PSORS1C2: variants seen among roughly 807,000 people sequenced by gnomAD.
The protein encoded by PSORS1C2 is psoriasis susceptibility 1 candidate 2.
Under a neutral mutation model 12.2 loss-of-function variants are expected in PSORS1C2, and 13 were observed. The observed-to-expected ratio is 1.07, with a 90% CI of 0.70 to 1.70. PSORS1C2 has a LOEUF of 1.70. Among genes scored for constraint, PSORS1C2 ranks in the 40% most tolerant of loss-of-function variants. The pLI, the probability that PSORS1C2 is intolerant of heterozygous loss-of-function variation, is 0.00. For synonymous variants in PSORS1C2, 76 were observed against 69.2 expected (o/e 1.10, Z -0.49); for missense variants, 186 against 173.4 (o/e 1.07, Z -0.41).
Position 31,138,120 on chromosome 6 carries a change from A to G in PSORS1C2, c.242T>C (p.Val81Ala). 1.2e-6 allele frequency: 2 copies of G among 1,604,276 alleles called. No homozygotes were observed. The highest frequency in any genetic ancestry group is 1.7e-6 in the Non-Finnish European group (2 of 1,176,478). ...CGTTCTAGGCGGTTCAGGGAGCCAG[A>G]CTCCAGTTTCAGGCAGGTCTCTCCA... ...RPWRDLPETG[V>A]WLPEPPRTDP... The change falls in exon 2 of 2, where the codon GTC (valine) becomes GCC (alanine). Residue 81 changes from valine to alanine, a missense_variant. Transcript: ENST00000259845.
Position 31,138,197 on chromosome 6 carries a change from T to C in PSORS1C2, c.165A>G (p.Pro55=). ...GATCTTCAAAGAGAGGGGGTGCCCC[T>C]GGCCAAGGGTCACCGGGGACTGGGG... The part of the protein sequence containing the change: ...QGPPVPGDPW[P]GAPPLFEDPP... The change falls in exon 2 of 2, where the codon CCA becomes CCG. Residue 55 remains proline, a synonymous_variant. Coordinates refer to ENST00000259845, the MANE Select transcript of PSORS1C2 (RefSeq NM_014069.3). The C allele has an allele frequency of 6.4e-7, 1 of 1,572,096 alleles. No individual in the cohort carries two copies. Among genetic ancestry groups the C allele is most frequent in the Non-Finnish European group, 8.6e-7 (1 of 1,161,982 alleles).
chr6:31,138,032 G>A lies in PSORS1C2; in HGVS notation c.330C>T (p.Asn110=). 1 of 1,529,090 alleles carries A rather than the reference G, an allele frequency of 6.5e-7. No individual in the cohort carries two copies. Among genetic ancestry groups the A allele is most frequent in the Non-Finnish European group, 8.8e-7 (1 of 1,141,222 alleles). The allele number at this position is 1,529,090 out of a possible 1,614,324, so 94.7% of individuals were successfully genotyped here. A position where few individuals can be genotyped will look rare whatever the true frequency, so the allele number is the denominator to read the frequency against. Residue 110 remains asparagine, a synonymous_variant, in exon 2 of 2, where the codon AAC becomes AAT. Transcript: ENST00000259845. ...PWPAGPQPPE[N]PWPPAPEVDN... is the part of the protein sequence containing the mutation. ...CCACCTCAGGGGCAGGAGGCCAGGG[G>A]TTTTCTGGGGGCTGGGGTCCTGCCG...
chr6:31,138,137 G>C lies in PSORS1C2; in HGVS notation c.225C>G (p.Asp75Glu), dbSNP rs1452595291. The part of the protein sequence containing the change: ...PPTRPSRPWR[D>E]LPETGVWLPE... ...GGAGCCAGACTCCAGTTTCAGGCAG[G>C]TCTCTCCAGGGACGACTGGGGCGGG... Residue 75 changes from aspartate (D) to glutamate (E), a missense_variant, in exon 2 of 2, where the codon GAC (aspartate) becomes GAG (glutamate). Transcript: ENST00000259845. The C allele has an allele frequency of 6.2e-7, 1 of 1,606,198 alleles. No individual in the cohort carries two copies. The highest frequency in any genetic ancestry group is 8.5e-7 in the Non-Finnish European group (1 of 1,177,200).
Position 31,138,052 on chromosome 6 carries a change from C to T in PSORS1C2, c.310G>A (p.Gly104Arg), listed in dbSNP as rs1773239101. ...PPRPDDPWPA[G>R]PQPPENPWPP... ...CAGGGGTTTTCTGGGGGCTGGGGTC[C>T]TGCCGGCCAAGGGTCGTCAGGCCGG... The change falls in exon 2 of 2, where the codon GGA becomes AGA. Residue 104 changes from glycine (G) to arginine (R), a missense_variant. Physicochemically the swap from Gly to Arg is moderately radical, Grantham distance 125. Transcript: ENST00000259845. 5 of 1,536,778 alleles carry T rather than the reference C, an allele frequency of 3.3e-6. No individual in the cohort carries two copies. The highest frequency in any genetic ancestry group is 4.4e-6 in the Non-Finnish European group (5 of 1,145,028).
intron 1 of PSORS1C2, chr6:31,138,708 C>T (rs749948651): frequency 1.9e-6 from 3 of 1,606,930 alleles, no homozygotes; most frequent in Non-Finnish European, 2.5e-6. Flanking sequence ...CAGATCCCAG[C>T]TCCGAGGAAA....
Position 31,137,872 on chromosome 6 carries a change from G to T in PSORS1C2, c.*79C>A. The T allele has an allele frequency of 1.6e-6, 1 of 631,238 alleles. No homozygotes were observed. The highest frequency in any genetic ancestry group is 2.6e-6 in the Non-Finnish European group (1 of 389,480). The allele number at this position is 631,238 out of a possible 1,614,324, so 39.1% of individuals were successfully genotyped here. On this transcript the variant is annotated 3_prime_UTR_variant, in exon 2 of 2. Coordinates refer to ENST00000259845, the MANE Select transcript of PSORS1C2 (RefSeq NM_014069.3). ...TTAAGGAGACAGGCTAAATTGGGAA[G>T]AATTCACGGGGAATCAGAGGGTGGA...
chr6:31,138,796 C>A (rs1773302278), intron 1 of PSORS1C2, 176 bp downstream of exon 1: 2 of 1,613,990 alleles, frequency 1.2e-6, no homozygotes, highest in African/African-American at 2.7e-5. Flanking sequence ...GCCAAATGCA[C>A]CTTCTGCACC....
Position 31,138,072 on chromosome 6 carries a change from G to C in PSORS1C2, c.290C>G (p.Pro97Arg). ...PRTDPPQPPR[P>R]DDPWPAGPQP... ...GGGTCCTGCCGGCCAAGGGTCGTCA[G>C]GCCGGGGAGGTTGAGGAGGATCCGT... Residue 97 changes from proline (P) to arginine (R), a missense_variant, in exon 2 of 2, where the codon CCT becomes CGT. Physicochemically the swap from Pro to Arg is moderately radical, Grantham distance 103. Transcript: ENST00000259845. 1 of 1,560,868 alleles carries C rather than the reference G, an allele frequency of 6.4e-7. No homozygotes were observed. Among genetic ancestry groups the C allele is most frequent in the Non-Finnish European group, 8.7e-7 (1 of 1,155,702 alleles).
At chr6:31,138,592 TAC>T in intron 1 of PSORS1C2, 1 of 1,610,964 alleles carries the variant, frequency 6.2e-7, no homozygotes, top group South Asian at 1.1e-5. Flanking sequence ...CTGGTTGGGG[TAC>T]CCCACTAGCT....
Position 31,138,896 on chromosome 6 carries a change from C to A in PSORS1C2, c.55+76G>T, listed in dbSNP as rs970230852. 1.1e-5 allele frequency: 17 copies of A among 1,596,698 alleles called. No homozygotes were observed. The African/African-American group carries it at 2.3e-4, about 21-fold the overall frequency. On this transcript the variant is annotated intron_variant, in intron 1 of 1. Coordinates refer to ENST00000259845, the MANE Select transcript of PSORS1C2 (RefSeq NM_014069.3). ...CTGAATTCCTGTCCCCAACCCCATG[C>A]GTCCAGTTCACCTCCGCCATCTTGA...
Position 31,138,231 on chromosome 6 carries a change from G to A in PSORS1C2, c.131C>T (p.Pro44Leu), listed in dbSNP as rs771681627. 3.2e-6 allele frequency: 5 copies of A among 1,566,944 alleles called. No individual in the cohort carries two copies. Among genetic ancestry groups the A allele is most frequent in the South Asian group, 2.4e-5 (2 of 83,750 alleles). ...DREEAGSPTL[P>L]QGPPVPGDPW... is the part of the protein sequence containing the mutation. ...GTCACCGGGGACTGGGGGGCCCTGA[G>A]GCAATGTTGGGGAGCCTGCCTCCTC... The change falls in exon 2 of 2, where the codon CCT (proline) becomes CTT (leucine). Residue 44 changes from proline to leucine, a missense_variant. Transcript: ENST00000259845.
rs1194420098 is a variant in PSORS1C2, at chr6:31,139,059, C to T, written c.-33G>A. On this transcript the variant is annotated 5_prime_UTR_variant, in exon 1 of 2. Coordinates refer to ENST00000259845, the MANE Select transcript of PSORS1C2 (RefSeq NM_014069.3). The surrounding 1 kb of genome is among the most constrained non-coding windows in gnomAD (Gnocchi z 5.2). ...TACTGGCCCCCAAAGCTGGGGTGGGCTGAGTCTGGGTGCCTGGGAACCCCA... is the reference window on the plus strand; with the variant it reads ...TACTGGCCCCCAAAGCTGGGGTGGGTTGAGTCTGGGTGCCTGGGAACCCCA... 2 of 1,609,094 alleles carry T rather than the reference C, an allele frequency of 1.2e-6. No homozygotes were observed. Among genetic ancestry groups the T allele is most frequent in the Admixed American group, 1.7e-5 (1 of 59,912 alleles).
Position 31,138,108 on chromosome 6 carries a change from T to G in PSORS1C2, c.254A>C (p.Glu85Ala). ...DLPETGVWLP[E>A]PPRTDPPQPP... is the part of the protein sequence containing the mutation. ...TTGAGGAGGATCCGTTCTAGGCGGTTCAGGGAGCCAGACTCCAGTTTCAGG... is the reference window on the plus strand; with the variant it reads ...TTGAGGAGGATCCGTTCTAGGCGGTGCAGGGAGCCAGACTCCAGTTTCAGG... Residue 85 changes from glutamate to alanine, a missense_variant, in exon 2 of 2, where the codon GAA (glutamate) becomes GCA (alanine). By Grantham distance (107) the Glu-to-Ala change is moderately radical. Transcript: ENST00000259845. 1.2e-6 allele frequency: 2 copies of G among 1,603,184 alleles called. No homozygotes were observed. Among genetic ancestry groups the G allele is most frequent in the South Asian group, 2.2e-5 (2 of 89,698 alleles).
chr6:31,137,834 A>C lies in PSORS1C2; in HGVS notation c.*117T>G. Reference sequence around the variant, plus strand: ...ACGGGTTCAGAATAAAACCGAGGGAATGAGGAAGAGGTTTAAGGAGACAGG... The same window carrying C: ...ACGGGTTCAGAATAAAACCGAGGGACTGAGGAAGAGGTTTAAGGAGACAGG... On this transcript the variant is annotated 3_prime_UTR_variant, in exon 2 of 2. Transcript: ENST00000259845. 73 of 472,738 alleles carry C rather than the reference A, an allele frequency of 1.5e-4. No individual in the cohort carries two copies. Among genetic ancestry groups the C allele is most frequent in the Non-Finnish European group, 2.6e-4 (70 of 264,240 alleles). 29.3% of individuals were successfully genotyped at this position (472,738 alleles called of 1,614,324 possible). A position where few individuals can be genotyped will look rare whatever the true frequency, so the allele number is the denominator to read the frequency against.
chr6:31,138,105 G>A lies in PSORS1C2; in HGVS notation c.257C>T (p.Pro86Leu), dbSNP rs1773244786. Residue 86 changes from proline to leucine, a missense_variant, in exon 2 of 2, where the codon CCG becomes CTG. By Grantham distance (98) the Pro-to-Leu change is moderately conservative. Coordinates refer to ENST00000259845, the MANE Select transcript of PSORS1C2 (RefSeq NM_014069.3). Reference protein sequence around the residue: ...LPETGVWLPEPPRTDPPQPPR... With the variant: ...LPETGVWLPELPRTDPPQPPR... The stretch of plus-strand genomic sequence containing the variant: ...AGGTTGAGGAGGATCCGTTCTAGGC[G>A]GTTCAGGGAGCCAGACTCCAGTTTC... 2 of 1,601,690 alleles carry A rather than the reference G, an allele frequency of 1.2e-6. No individual in the cohort carries two copies. The highest frequency in any genetic ancestry group is 1.7e-4 in the Middle Eastern group (1 of 5,940).
In PSORS1C2 at chr6:31,137,707, G is replaced by C; in HGVS notation, c.*244C>G. 2.6e-6 allele frequency: 1 copy of C among 388,554 alleles called. No homozygotes were observed. The highest frequency in any genetic ancestry group is 4.5e-6 in the Non-Finnish European group (1 of 220,098). The allele number at this position is 388,554 out of a possible 1,614,324, so 24.1% of individuals were successfully genotyped here. A position where few individuals can be genotyped will look rare whatever the true frequency, so the allele number is the denominator to read the frequency against. The stretch of plus-strand genomic sequence containing the variant: ...GTAGGTGCGGCCGAGGCCTGGAGGC[G>C]AGGTAGGAGAGTAGGCTTAGGCTGT... On this transcript the variant is annotated 3_prime_UTR_variant, in exon 2 of 2. Coordinates refer to ENST00000259845, the MANE Select transcript of PSORS1C2 (RefSeq NM_014069.3).
Position 31,137,602 on chromosome 6 carries a change from C to T in PSORS1C2, c.*349G>A, listed in dbSNP as rs1310163264. 6.3e-6 allele frequency: 2 copies of T among 315,320 alleles called. No homozygotes were observed. The highest frequency in any genetic ancestry group is 5.8e-6 in the Non-Finnish European group (1 of 173,672). The allele number at this position is 315,320 out of a possible 1,614,324, so 19.5% of individuals were successfully genotyped here. A position where few individuals can be genotyped will look rare whatever the true frequency, so the allele number is the denominator to read the frequency against. ...AGCTGTCTACTGATAGTTCCTGCCG[C>T]CGGCCACCAGGTGGCAGAAGGGAAC... On this transcript the variant is annotated 3_prime_UTR_variant, in exon 2 of 2. Transcript: ENST00000259845.
chr6:31,137,649 A>C lies in PSORS1C2; in HGVS notation c.*302T>G, dbSNP rs1773210396. The C allele has an allele frequency of 1.1e-4, 35 of 332,572 alleles. No individual in the cohort carries two copies. Among genetic ancestry groups the C allele is most frequent in the East Asian group, 2.8e-4 (6 of 21,648 alleles). The allele number at this position is 332,572 out of a possible 1,614,324, so 20.6% of individuals were successfully genotyped here. A position where few individuals can be genotyped will look rare whatever the true frequency, so the allele number is the denominator to read the frequency against. ...GAACACAGTACCATAGCCCTGCCCC[A>C]GCGATCGCGCGGGCAGGAAGACCGG... On this transcript the variant is annotated 3_prime_UTR_variant, in exon 2 of 2. Transcript: ENST00000259845.
rs763198820 is a variant in PSORS1C2, at chr6:31,138,293, G to A, written c.69C>T (p.Ser23=). Residue 23 remains serine (S), a synonymous_variant, in exon 2 of 2, where the codon AGC becomes AGT. Coordinates refer to ENST00000259845, the MANE Select transcript of PSORS1C2 (RefSeq NM_014069.3). ...CGGGTGGGTGAGAGGGGTGGCCCTC[G>A]CTGCCTGAGATGCCTGTAAAGGAGG... ...LCLHTRGISG[S]EGHPSHPPAE... is the part of the protein sequence containing the mutation. 2 of 1,590,070 alleles carry A rather than the reference G, an allele frequency of 1.3e-6. No homozygotes were observed. Among genetic ancestry groups the A allele is most frequent in the African/African-American group, 1.3e-5 (1 of 74,276 alleles).
Sources: allele counts gnomAD v4.1 joint callset, GRCh38; gene constraint gnomAD v4.1.1; non-coding constraint Gnocchi (gnomAD v3.1); transcripts MANE v1.5; gene names NCBI Gene and HGNC (gene_info 2026-07-23, HGNC 2026-07-21).